The following CDH18 variants were observed in gnomAD, a reference collection of about 807,000 sequenced individuals.
CDH18 encodes cadherin-18.
Under a neutral mutation model 67.9 loss-of-function variants are expected in CDH18, and 31 were observed. The observed-to-expected ratio is 0.46, with a 90% CI of 0.34 to 0.62. CDH18 has a LOEUF of 0.62. Ranked by LOEUF, CDH18 falls within the 20% of genes least tolerant of loss-of-function variation. The probability of loss-of-function intolerance (pLI) is 0.01; values close to 1 mark genes in which losing one functional copy is unlikely to be tolerated. For synonymous variants in CDH18, 362 were observed against 347.2 expected, an observed-to-expected ratio of 1.04 and a Z score of -0.48; for missense variants, 890 against 975.5, an observed-to-expected ratio of 0.91 and a Z score of 1.17.
chr5:20,199,051 AC>A (rs1227913675), intron 2 of CDH18, among the ~76,000 whole-genome samples: 2 of 152,272 alleles, frequency 1.3e-5, no homozygotes, highest in Admixed American at 6.5e-5. Context: ...CTCATGAAGA[AC>A]CTTTGCTAGG....
intron 2 of CDH18, among the ~76,000 whole-genome samples, chr5:20,062,158 T>TATTA (rs1742553808): frequency 6.8e-6 from 1 of 147,456 alleles, no homozygotes; most frequent in Non-Finnish European, 1.5e-5. Flanking sequence ...TTATTATTAT[T>TATTA]ATTATTATTA....
At chr5:20,211,212 T>C (rs565198840) in intron 2 of CDH18, among the ~76,000 whole-genome samples, 2 of 152,056 alleles carry the variant, frequency 1.3e-5, no homozygotes, top group Non-Finnish European at 2.9e-5. Flanking sequence ...GAGAGGGGCG[T>C]CTGTCATTGC....
intron 12 of CDH18, among the ~76,000 whole-genome samples, chr5:19,474,153 C>T (rs918200647): frequency 5.9e-5 from 9 of 152,084 alleles, no homozygotes; most frequent in Non-Finnish European, 1.3e-4. Flanking sequence ...TTTTAAGTTT[C>T]TGGAATATTG....
At chr5:19,814,231 A>C (rs1779051454) in intron 3 of CDH18, among the ~76,000 whole-genome samples, 2 of 152,000 alleles carry the variant, frequency 1.3e-5, no homozygotes, top group African/African-American at 4.8e-5. Context: ...TTATTGTAAA[A>C]ATACCCAATA....
intron 3 of CDH18, among the ~76,000 whole-genome samples, chr5:19,763,994 CAAAAAAAAAAAAAAAAAAA>C (rs60958986): frequency 1.5e-5 from 1 of 65,302 alleles, no homozygotes; most frequent in African/African-American, 6.2e-5. Context: ...ACTAAAAATA[CAAAAAAAAAAAAAAAAAAA>C]AAAAATTAGC....
intron 1 of CDH18, among the ~76,000 whole-genome samples, chr5:20,487,922 T>C (rs1023086917): frequency 6.6e-6 from 1 of 152,090 alleles, no homozygotes; most frequent in Non-Finnish European, 1.5e-5. Flanking sequence ...GAGATCCTAA[T>C]GTAAAACCTG....
chr5:20,491,133 G>A (rs1753559209), intron 1 of CDH18, among the ~76,000 whole-genome samples: 1 of 151,476 alleles, frequency 6.6e-6, no homozygotes, highest in Non-Finnish European at 1.5e-5. Context: ...ATCCTACAAA[G>A]AATTAACATT....
At chr5:20,128,078 G>A (rs1301604241) in intron 2 of CDH18, among the ~76,000 whole-genome samples, 1 of 151,832 alleles carries the variant, frequency 6.6e-6, no homozygotes, top group African/African-American at 2.4e-5. Context: ...CTCCCCAGTG[G>A]GCCTCCCTAG....
At chr5:19,836,091 A>G (rs1397793903) in intron 3 of CDH18, among the ~76,000 whole-genome samples, 1 of 152,092 alleles carries the variant, frequency 6.6e-6, no homozygotes, top group African/African-American at 2.4e-5. Context: ...TTTCCAGAAA[A>G]TTTTGTTTCT....
intron 1 of CDH18, among the ~76,000 whole-genome samples, chr5:20,357,843 C>T (rs1315263833): frequency 2.0e-5 from 3 of 152,094 alleles, no homozygotes; most frequent in African/African-American, 4.8e-5. Context: ...GACATATGCA[C>T]TTGCATGCTC....
chr5:20,216,785 A>C (rs1264515630), intron 2 of CDH18, among the ~76,000 whole-genome samples: 1 of 151,996 alleles, frequency 6.6e-6, no homozygotes, highest in Admixed American at 6.6e-5. Flanking sequence ...ACTGTAGAAC[A>C]ATGAGATTTA....
intron 1 of CDH18, among the ~76,000 whole-genome samples, chr5:20,536,145 G>T (rs182652731): frequency 6.6e-6 from 1 of 152,146 alleles, no homozygotes; most frequent in South Asian, 2.1e-4. Flanking sequence ...TTCAGTATAT[G>T]TTCAGGGGAC....
At chr5:20,113,816 T>C (rs536704755) in intron 2 of CDH18, among the ~76,000 whole-genome samples, 182 of 152,134 alleles carry the variant, frequency 1.2e-3, no homozygotes, top group Admixed American at 2.2e-3. Context: ...TGAGAACATG[T>C]GGAGATGGCA....
At chr5:19,698,133 T>C (rs1031843668) in intron 5 of CDH18, among the ~76,000 whole-genome samples, 19 of 152,232 alleles carry the variant, frequency 1.2e-4, no homozygotes, top group African/African-American at 3.6e-4. Flanking sequence ...CTGCATCATA[T>C]GGCAATTAGA....
At chr5:20,460,917 C>T (rs1365135485) in intron 1 of CDH18, among the ~76,000 whole-genome samples, 1 of 152,112 alleles carries the variant, frequency 6.6e-6, no homozygotes. Context: ...GTACATAATT[C>T]GTACTGCAAC....
At chr5:20,003,465 G>C (rs1395834473) in intron 2 of CDH18, among the ~76,000 whole-genome samples, 1 of 151,898 alleles carries the variant, frequency 6.6e-6, no homozygotes, top group Admixed American at 6.6e-5. Context: ...TCTCTTCCTA[G>C]TAATTGTACT....
At chr5:19,718,180 T>C (rs1161943418) in intron 5 of CDH18, among the ~76,000 whole-genome samples, 1 of 151,958 alleles carries the variant, frequency 6.6e-6, no homozygotes, top group Non-Finnish European at 1.5e-5. Flanking sequence ...GTTAATAAAA[T>C]GCATCTTTCA....
At chr5:20,455,282 G>T (rs924080748) in intron 1 of CDH18, among the ~76,000 whole-genome samples, 2 of 152,012 alleles carry the variant, frequency 1.3e-5, no homozygotes, top group Non-Finnish European at 2.9e-5. Context: ...ACTGAAGATT[G>T]TTAGTAAGGA....
rs1204919216 is a variant in CDH18, at chr5:19,556,138, C to T, written c.1254-12133G>A. On this transcript the variant is annotated intron_variant, in intron 8 of 12. Coordinates refer to ENST00000382275, the MANE Select transcript of CDH18 (RefSeq NM_004934.5). ...AATCTGAACAACAGCCTGAGTCACACATCTTCCCTCTGACATAGTCTACCC... is the reference window on the plus strand; with the variant it reads ...AATCTGAACAACAGCCTGAGTCACATATCTTCCCTCTGACATAGTCTACCC... 3.3e-5 allele frequency among the ~76,000 whole-genome samples: 5 copies of T among 152,148 alleles called. No homozygotes were observed. In the East Asian group the frequency reaches 9.7e-4, roughly 29 times the overall value.
Sources: gnomAD v4.1 joint callset for allele counts (sites outside exome capture counted in the v4.1 genomes callset) on GRCh38, gnomAD v4.1.1 for gene constraint, MANE v1.5 for transcripts, NCBI Gene and HGNC (gene_info 2026-07-23, HGNC 2026-07-21) for gene names.